Variants in TBL1XR1 observed in about 807,000 individuals in gnomAD.
TBL1XR1 encodes the protein TBL1X/Y related 1.
Under a neutral mutation model 66.9 loss-of-function variants are expected in TBL1XR1, and 5 were observed. The observed-to-expected ratio is 0.07, with a 90% confidence interval of 0.04 to 0.16. TBL1XR1 has a LOEUF of 0.16. TBL1XR1 is among the 10% of genes least tolerant of loss of function. The pLI is 1.00. For synonymous variants in TBL1XR1, 210 were observed against 206.0 expected (o/e 1.02, Z -0.17); for missense variants, 238 against 623.2 (o/e 0.38, Z 6.58).
intron 2 of TBL1XR1, among the ~76,000 whole-genome samples, chr3:177,079,160 G>T (rs970761807): frequency 6.6e-6 from 1 of 151,988 alleles, no homozygotes; most frequent in Non-Finnish European, 1.5e-5. Flanking sequence ...GGCCGGGTGC[G>T]GTGGCTCACA....
intron 14 of TBL1XR1, among the ~76,000 whole-genome samples, chr3:177,028,665 G>A (rs928713823): frequency 3.3e-5 from 5 of 152,070 alleles, no homozygotes; most frequent in African/African-American, 4.8e-5. Flanking sequence ...ACTCAATAAC[G>A]ATTTTCCCTA....
chr3:177,026,670 A>G (rs1338880904), intron 14 of TBL1XR1, 196 bp from the exon 15 acceptor site: 2 of 493,536 alleles, frequency 4.1e-6, no homozygotes, highest in Middle Eastern at 5.1e-4. Flanking sequence ...CCTGTTCTCA[A>G]AAGATTACTC....
intron 2 of TBL1XR1, among the ~76,000 whole-genome samples, chr3:177,074,435 A>G (rs1339483729): frequency 1.3e-5 from 2 of 152,190 alleles, no homozygotes; most frequent in African/African-American, 2.4e-5. Context: ...AAGCCTAGGG[A>G]AAAATGTGAG....
At chr3:177,066,539 T>TCAA (rs1379820710) in intron 2 of TBL1XR1, among the ~76,000 whole-genome samples, 5 of 152,230 alleles carry the variant, frequency 3.3e-5, no homozygotes, top group Admixed American at 1.3e-4. Context: ...AGGAGGACCT[T>TCAA]CAAGGCAGCA....
rs1250827030 is a variant in TBL1XR1 at position 177,023,237 on chromosome 3, T to C, written c.*2261A>G. On this transcript the variant is annotated 3_prime_UTR_variant, in exon 16 of 16. Transcript: ENST00000457928. The stretch of plus-strand genomic sequence containing the variant: ...AAATTCAGTGCAATTGACAAATGCA[T>C]CACTAAAGGAAAATGCAGCTTAAAA... 1 of 152,514 alleles carries C rather than the reference T, an allele frequency of 6.6e-6. No homozygotes were observed. Among genetic ancestry groups the C allele is most frequent in the African/African-American group, 2.4e-5 (1 of 41,442 alleles). 9.4% of individuals were successfully genotyped at this position (152,514 alleles called of 1,614,324 possible). A position where few individuals can be genotyped will look rare whatever the true frequency, so the allele number is the denominator to read the frequency against.
chr3:177,098,142 G>C (rs1476330573), intron 2 of TBL1XR1, among the ~76,000 whole-genome samples: 1 of 152,074 alleles, frequency 6.6e-6, no homozygotes, highest in South Asian at 2.1e-4. Context: ...CTGGGAGGCG[G>C]AGGAGGTTGC....
At chr3:177,155,958 G>A (rs979416799) in intron 1 of TBL1XR1, among the ~76,000 whole-genome samples, 19 of 151,594 alleles carry the variant, frequency 1.3e-4, no homozygotes, top group East Asian at 3.9e-4. Flanking sequence ...GTGGTGAGCC[G>A]AGACTGCACC....
At chr3:177,132,052 T>C (rs1728363376) in intron 1 of TBL1XR1, among the ~76,000 whole-genome samples, 1 of 152,204 alleles carries the variant, frequency 6.6e-6, no homozygotes, top group South Asian at 2.1e-4. Context: ...TGATTAATAA[T>C]GTTGCTCTGA....
At chr3:177,083,301 C>T (rs1410564433) in intron 2 of TBL1XR1, among the ~76,000 whole-genome samples, 1 of 150,486 alleles carries the variant, frequency 6.6e-6, no homozygotes, top group African/African-American at 2.4e-5. Flanking sequence ...TGTATCCATC[C>T]CCTCCAAATG....
At chr3:177,106,008 T>A (rs918995183) in intron 1 of TBL1XR1, among the ~76,000 whole-genome samples, 1 of 152,206 alleles carries the variant, frequency 6.6e-6, no homozygotes, top group African/African-American at 2.4e-5. Flanking sequence ...TTAAGTGGTT[T>A]ATTAATCTAA....
At chr3:177,045,022 T>A (rs1027705883) in intron 10 of TBL1XR1, 2 of 152,144 alleles carry the variant, frequency 1.3e-5, no homozygotes, top group Non-Finnish European at 2.9e-5. Context: ...TATTAAGTGG[T>A]GAGCTTTAAT....
At chr3:177,050,848 T>G (rs1716978937) in intron 5 of TBL1XR1, among the ~76,000 whole-genome samples, 1 of 151,218 alleles carries the variant, frequency 6.6e-6, no homozygotes. Flanking sequence ...GGGAGTGGGA[T>G]GGGAGACTTT....
At chr3:177,162,041 T>C (rs974946367) in intron 1 of TBL1XR1, among the ~76,000 whole-genome samples, 2 of 152,190 alleles carry the variant, frequency 1.3e-5, no homozygotes, top group Non-Finnish European at 1.5e-5. Flanking sequence ...CTTTGAGGAA[T>C]GGTTATAGCA....
intron 10 of TBL1XR1, 92 bp from the exon 11 acceptor site, chr3:177,038,526 T>A: frequency 8.1e-7 from 1 of 1,240,496 alleles, no homozygotes; most frequent in Non-Finnish European, 1.1e-6. Flanking sequence ...TAATAAAATA[T>A]ACTAACAGGC....
chr3:177,163,640 T>C (rs2108897790), intron 1 of TBL1XR1, among the ~76,000 whole-genome samples: 1 of 152,274 alleles, frequency 6.6e-6, no homozygotes, highest in African/African-American at 2.4e-5. Context: ...GGAGAGGGTG[T>C]AAAGTATACA....
At chr3:177,117,069 GAATA>G (rs1156292823) in intron 1 of TBL1XR1, among the ~76,000 whole-genome samples, 1 of 152,158 alleles carries the variant, frequency 6.6e-6, no homozygotes, top group Non-Finnish European at 1.5e-5. Flanking sequence ...AACGATTCTA[GAATA>G]AATACTGAAT....
At chr3:177,160,383 A>G in intron 1 of TBL1XR1, among the ~76,000 whole-genome samples, 1 of 151,886 alleles carries the variant, frequency 6.6e-6, no homozygotes, top group South Asian at 2.1e-4. Flanking sequence ...CCAAGGCAGG[A>G]GAATGGCGCG....
chr3:177,117,488 T>C (rs556640996), intron 1 of TBL1XR1, among the ~76,000 whole-genome samples: 1 of 152,338 alleles, frequency 6.6e-6, no homozygotes, highest in South Asian at 2.1e-4. Context: ...CTTTTAGATA[T>C]GACATCAAAA....
At chr3:177,117,793 A>G (rs1437034571) in intron 1 of TBL1XR1, among the ~76,000 whole-genome samples, 4 of 152,216 alleles carry the variant, frequency 2.6e-5, no homozygotes, top group Admixed American at 2.6e-4. Flanking sequence ...TGGGAGAAAT[A>G]TAAAGTAAAA....
Sources: allele counts gnomAD v4.1 joint callset (sites outside exome capture counted in the v4.1 genomes callset), GRCh38; gene constraint gnomAD v4.1.1; transcripts MANE v1.5; gene names NCBI Gene and HGNC (gene_info 2026-07-23, HGNC 2026-07-21).